The following PLPPR1 variants were observed in gnomAD, a reference collection of about 807,000 sequenced individuals.
PLPPR1 encodes the protein phospholipid phosphatase-related protein type 1.
In PLPPR1, 10 loss-of-function variants were observed where a neutral mutation model predicts 33.1. The ratio of observed to expected loss-of-function variants is 0.30; its 90% CI spans 0.19 to 0.51. The LOEUF is 0.51. Among genes scored for constraint, PLPPR1 ranks in the 20% least tolerant of loss-of-function variants. PLPPR1 has a pLI of 0.97. For missense variants in PLPPR1, 304 were observed against 408.1 expected (o/e 0.74, Z 2.20); for synonymous variants, 151 against 151.0 (o/e 1.00, Z 0.00).
chr9:101,231,299 T>C (rs1348941866), intron 2 of PLPPR1, among the ~76,000 whole-genome samples: 1 of 150,622 alleles, frequency 6.6e-6, no homozygotes, highest in Admixed American at 6.6e-5. Flanking sequence ...ACAAAAAAAC[T>C]TGTAAGAGAG....
Position 101,111,922 on chromosome 9 carries a change from G to T in PLPPR1, c.-45-73528G>T, listed in dbSNP as rs148609923. ...TAGTAGAACTGAATAAAATGTATTCGCTCAAATACCAATGTTTTTAAATAG... is the reference window on the plus strand; with the variant it reads ...TAGTAGAACTGAATAAAATGTATTCTCTCAAATACCAATGTTTTTAAATAG... On this transcript the variant is annotated intron_variant, in intron 1 of 7. Transcript: ENST00000374874. Among the ~76,000 whole-genome samples, 239 of 152,158 alleles carry T rather than the reference G, an allele frequency of 1.6e-3. 3 individuals carry two copies. In the East Asian group the frequency reaches 0.037, roughly 23 times the overall value.
intron 1 of PLPPR1, among the ~76,000 whole-genome samples, chr9:101,163,841 T>A (rs1825804669): frequency 6.6e-6 from 1 of 152,124 alleles, no homozygotes; most frequent in Non-Finnish European, 1.5e-5. Context: ...CAAAATAATA[T>A]CAAATCCCTG....
At chr9:101,296,578 C>G (rs555892950) in intron 4 of PLPPR1, among the ~76,000 whole-genome samples, 13 of 152,088 alleles carry the variant, frequency 8.5e-5, no homozygotes, top group South Asian at 2.1e-4. Context: ...CACTGGATAA[C>G]GAAAATGTGG....
At chr9:101,196,820 G>A (rs1031998360) in intron 2 of PLPPR1, among the ~76,000 whole-genome samples, 6 of 151,832 alleles carry the variant, frequency 4.0e-5, no homozygotes, top group Non-Finnish European at 7.4e-5. Context: ...AGCCGAGATC[G>A]GGCCACTGCA....
intron 1 of PLPPR1, among the ~76,000 whole-genome samples, chr9:101,074,295 T>C (rs1830512238): frequency 6.6e-6 from 1 of 152,174 alleles, no homozygotes; most frequent in Admixed American, 6.5e-5. Context: ...TCCTCAGTTA[T>C]TAGAAATAGA....
chr9:101,324,129 C>A lies in PLPPR1; in HGVS notation c.*72C>A. 1 of 1,241,686 alleles carries A rather than the reference C, an allele frequency of 8.1e-7. No homozygotes were observed. The highest frequency in any genetic ancestry group is 1.3e-5 in the South Asian group (1 of 78,668). 76.9% of individuals were successfully genotyped at this position (1,241,686 alleles called of 1,614,324 possible). On this transcript the variant is annotated 3_prime_UTR_variant, in exon 8 of 8. Coordinates refer to ENST00000374874, the MANE Select transcript of PLPPR1 (RefSeq NM_207299.2). The stretch of plus-strand genomic sequence containing the variant: ...CTATACTTCAAAACACACAGTTGCT[C>A]AATGTCAAACTGTGATGACAAATAT...
At chr9:101,138,143 C>T (rs906766422) in intron 1 of PLPPR1, among the ~76,000 whole-genome samples, 2 of 152,146 alleles carry the variant, frequency 1.3e-5, no homozygotes, top group African/African-American at 4.8e-5. Context: ...GTATTATTTC[C>T]CATAATATGG....
chr9:101,228,272 G>A, intron 2 of PLPPR1, among the ~76,000 whole-genome samples: 1 of 152,096 alleles, frequency 6.6e-6, no homozygotes, highest in South Asian at 2.1e-4. Flanking sequence ...CTCCTTCCAG[G>A]CCTAATATAA....
chr9:101,035,211 C>A (rs1370222672), intron 1 of PLPPR1, among the ~76,000 whole-genome samples: 1 of 152,006 alleles, frequency 6.6e-6, no homozygotes, highest in Non-Finnish European at 1.5e-5. Context: ...TTAAATGCCT[C>A]CCTTCATGGA....
At chr9:101,111,115 T>C (rs1831050110) in intron 1 of PLPPR1, among the ~76,000 whole-genome samples, 1 of 152,164 alleles carries the variant, frequency 6.6e-6, no homozygotes, top group African/African-American at 2.4e-5. Flanking sequence ...ATATCTAAAA[T>C]GATATATACC....
intron 1 of PLPPR1, among the ~76,000 whole-genome samples, chr9:101,106,395 C>T (rs892033083): frequency 1.9e-4 from 24 of 128,742 alleles, no homozygotes; most frequent in African/African-American, 7.4e-4. Context: ...TTTTATTTCT[C>T]CTTCACTTAT....
At chr9:101,187,237 G>A (rs1010706285) in intron 2 of PLPPR1, 1 of 151,752 alleles carries the variant, frequency 6.6e-6, no homozygotes, top group Non-Finnish European at 1.5e-5. Flanking sequence ...CCTCCCTGCA[G>A]CAATTTTATT....
chr9:101,270,894 G>T (rs551511954), intron 3 of PLPPR1, among the ~76,000 whole-genome samples: 1 of 151,920 alleles, frequency 6.6e-6, no homozygotes, highest in Admixed American at 6.6e-5. Context: ...CTCCCTGAAC[G>T]CTCCCTCCTC....
At chr9:101,237,610 G>A (rs971346342) in intron 2 of PLPPR1, among the ~76,000 whole-genome samples, 2 of 146,582 alleles carry the variant, frequency 1.4e-5, no homozygotes, top group Admixed American at 6.9e-5. Context: ...TTTTATAGAT[G>A]AGTAGTATTC....
chr9:101,146,692 C>A (rs1057119168), intron 1 of PLPPR1, among the ~76,000 whole-genome samples: 1 of 152,164 alleles, frequency 6.6e-6, no homozygotes, highest in Admixed American at 6.6e-5. Flanking sequence ...ACAAAATGTT[C>A]TCTGCCTCTA....
In PLPPR1 at chr9:101,292,165, G is replaced by T. The variant is rs1022675414; in HGVS notation, c.385+5929G>T. On this transcript the variant is annotated intron_variant, in intron 4 of 7. Transcript: ENST00000374874. ...GAATGCAGAAGCCTCAGGAGCCGAC[G>T]CAATCAACTGGAAGAAAGGGTATCA... is the stretch of plus-strand genomic sequence containing the variant. 1.3e-5 allele frequency among the ~76,000 whole-genome samples: 2 copies of T among 152,156 alleles called. 1 individual carries two copies. The highest frequency in any genetic ancestry group is 4.1e-4 in the South Asian group (2 of 4,830).
In PLPPR1 at chr9:101,085,303, A is replaced by G. The variant is rs1043564807; in HGVS notation, c.-46+56201A>G. Among the ~76,000 whole-genome samples the G allele has an allele frequency of 6.6e-5, 10 of 152,342 alleles. No homozygotes were observed. In the South Asian group the frequency reaches 1.0e-3, roughly 16 times the overall value. On this transcript the variant is annotated intron_variant, in intron 1 of 7. Coordinates refer to ENST00000374874, the MANE Select transcript of PLPPR1 (RefSeq NM_207299.2). ...ACTATTTATTTAGTTACAAAAAAAG[A>G]TACTCTAGAATATCTTTCCAAGATC...
intron 2 of PLPPR1, among the ~76,000 whole-genome samples, chr9:101,262,238 T>A (rs972002641): frequency 6.6e-6 from 1 of 152,180 alleles, no homozygotes; most frequent in Non-Finnish European, 1.5e-5. Flanking sequence ...GGTACTATAG[T>A]ATTATTAACC....
rs572907902 is a variant in PLPPR1 at position 101,142,360 on chromosome 9, GT to G, written c.-45-43089del. Among the ~76,000 whole-genome samples the G allele has an allele frequency of 6.6e-5, 10 of 152,292 alleles. No homozygotes were observed. In the South Asian group the frequency reaches 2.1e-3, roughly 32 times the overall value. On this transcript the variant is annotated intron_variant, in intron 1 of 7. Coordinates refer to ENST00000374874, the MANE Select transcript of PLPPR1 (RefSeq NM_207299.2). ...AAAGACCCATCAGAACTTGAAACTT[GT>G]GCTGTTTCTGGCCTATAGTAGCCAG...
Sources: gnomAD v4.1 joint callset for allele counts (sites outside exome capture counted in the v4.1 genomes callset) on GRCh38, gnomAD v4.1.1 for gene constraint, MANE v1.5 for transcripts, NCBI Gene and HGNC (gene_info 2026-07-23, HGNC 2026-07-21) for gene names.